The following TMEM132D variants were observed in gnomAD, a reference collection of about 807,000 sequenced individuals.
The protein encoded by TMEM132D is transmembrane protein 132D, also known as mature OL transmembrane protein.
TMEM132D carries 21 observed loss-of-function variants against 62.3 expected under a neutral mutation model. The observed-to-expected ratio is 0.34, with a 90% CI of 0.24 to 0.49. TMEM132D has a LOEUF of 0.49. Ranked by LOEUF, TMEM132D falls within the 20% of genes least tolerant of loss-of-function variation. The probability of loss-of-function intolerance (pLI) is 0.99; values close to 1 mark genes in which losing one functional copy is unlikely to be tolerated. For synonymous variants in TMEM132D, 621 were observed against 575.6 expected, an observed-to-expected ratio of 1.08 and a Z score of -1.13; for missense variants, 1,346 against 1,402.8, an observed-to-expected ratio of 0.96 and a Z score of 0.65.
At chr12:129,328,886 C>G (rs982707621) in intron 4 of TMEM132D, among the ~76,000 whole-genome samples, 3 of 151,888 alleles carry the variant, frequency 2.0e-5, no homozygotes, top group Non-Finnish European at 4.4e-5. Context: ...TCTTCCAACT[C>G]TGTGTGGCCT....
At chr12:129,873,911 A>C (rs539256288) in intron 1 of TMEM132D, among the ~76,000 whole-genome samples, 1 of 152,306 alleles carries the variant, frequency 6.6e-6, no homozygotes, top group African/African-American at 2.4e-5. Flanking sequence ...ACTTTTAAAA[A>C]ATCCTTCCAC....
Position 129,107,853 on chromosome 12 carries a change from AT to A in TMEM132D, c.1444-23152del, listed in dbSNP as rs1233632062. 8.4e-3 allele frequency among the ~76,000 whole-genome samples: 665 copies of A among 79,112 alleles called. 2 individuals carry two copies. Among genetic ancestry groups the A allele is most frequent in the Middle Eastern group, 0.066 (13 of 196 alleles). The allele number at this position is 79,112 out of a possible 152,430, so 51.9% of individuals were successfully genotyped here. ...AGGTGTGCACCACCACACCTGGCTA[AT>A]TTTTTTTTTTTTTTTATTTGTAGAG... On this transcript the variant is annotated intron_variant, in intron 5 of 8. Transcript: ENST00000422113.
At chr12:129,464,593 T>A (rs76259074) in intron 3 of TMEM132D, among the ~76,000 whole-genome samples, 2 of 152,230 alleles carry the variant, frequency 1.3e-5, no homozygotes, top group African/African-American at 4.8e-5. Context: ...TCTAGGGTTT[T>A]TATGGTTTTA....
At chr12:129,141,250 C>A (rs1390191337) in intron 5 of TMEM132D, among the ~76,000 whole-genome samples, 2 of 152,176 alleles carry the variant, frequency 1.3e-5, no homozygotes, top group Admixed American at 1.3e-4. Flanking sequence ...ATTATTCATT[C>A]ATCCAAGAGA....
chr12:129,554,313 C>G lies in TMEM132D; in HGVS notation c.969-23108G>C, dbSNP rs4759966. ...TTGTTTCTCCCAGTAATTTGAACCACAAGGCACTAAGTAACGATGCCAGGT... is the reference window on the plus strand; with the variant it reads ...TTGTTTCTCCCAGTAATTTGAACCAGAAGGCACTAAGTAACGATGCCAGGT... On this transcript the variant is annotated intron_variant, in intron 2 of 8. Transcript: ENST00000422113. Among the ~76,000 whole-genome samples, 763 of 152,178 alleles carry G rather than the reference C, an allele frequency of 5.0e-3. 2 individuals are homozygous for G. The highest frequency in any genetic ancestry group is 7.1e-3 in the Non-Finnish European group (482 of 68,024).
intron 3 of TMEM132D, among the ~76,000 whole-genome samples, chr12:129,485,464 G>A (rs1488056753): frequency 6.6e-6 from 1 of 152,184 alleles, no homozygotes; most frequent in Non-Finnish European, 1.5e-5. Context: ...GAGGCTACGG[G>A]TCAGGCACCA....
In TMEM132D at chr12:129,582,827, G is replaced by A. The variant is rs147480609; in HGVS notation, c.969-51622C>T. ...TTCAGTAGAAACAGGGTTTCACCAT[G>A]TTGGCCAGGCTGGTCTTGAATTCCT... On this transcript the variant is annotated intron_variant, in intron 2 of 8. Transcript: ENST00000422113. 4.9e-3 allele frequency among the ~76,000 whole-genome samples: 745 copies of A among 152,276 alleles called. 4 individuals are homozygous for A. Among genetic ancestry groups the A allele is most frequent in the African/African-American group, 0.016 (668 of 41,564 alleles).
chr12:129,219,620 G>A (rs887669493), intron 4 of TMEM132D, among the ~76,000 whole-genome samples: 1 of 152,194 alleles, frequency 6.6e-6, no homozygotes, highest in Non-Finnish European at 1.5e-5. Flanking sequence ...TGAAAAGGGG[G>A]CACACCTGGG....
chr12:129,872,331 A>T (rs992781034), intron 1 of TMEM132D, among the ~76,000 whole-genome samples: 2 of 152,164 alleles, frequency 1.3e-5, no homozygotes, highest in African/African-American at 4.8e-5. Context: ...GGGGAGGACA[A>T]ATAGGAGACA....
chr12:129,194,812 CTA>C (rs1348591279), intron 5 of TMEM132D, among the ~76,000 whole-genome samples: 2 of 152,078 alleles, frequency 1.3e-5, no homozygotes, highest in Non-Finnish European at 2.9e-5. Flanking sequence ...AGAGTTGTTT[CTA>C]TGTTTTTTTC....
chr12:129,656,805 T>C (rs1261448646), intron 2 of TMEM132D, among the ~76,000 whole-genome samples: 1 of 152,196 alleles, frequency 6.6e-6, no homozygotes, highest in Non-Finnish European at 1.5e-5. Flanking sequence ...AGATAGGCAC[T>C]ATTATTTTAC....
At chr12:129,317,098 G>C (rs1326573525) in intron 4 of TMEM132D, among the ~76,000 whole-genome samples, 3 of 152,122 alleles carry the variant, frequency 2.0e-5, no homozygotes, top group Admixed American at 1.3e-4. Flanking sequence ...GTGGTTTTTA[G>C]TGGAGCATTT....
At chr12:129,576,733 G>A (rs900665524) in intron 2 of TMEM132D, among the ~76,000 whole-genome samples, 1 of 151,686 alleles carries the variant, frequency 6.6e-6, no homozygotes, top group African/African-American at 2.4e-5. Flanking sequence ...ATTACTAATA[G>A]CCTACTGTTG....
intron 3 of TMEM132D, among the ~76,000 whole-genome samples, chr12:129,468,500 A>C: frequency 6.6e-6 from 1 of 152,222 alleles, no homozygotes; most frequent in East Asian, 1.9e-4. Flanking sequence ...AACACACACA[A>C]GTTGCCTACA....
intron 3 of TMEM132D, among the ~76,000 whole-genome samples, chr12:129,500,410 G>A (rs1875103416): frequency 1.3e-5 from 2 of 151,676 alleles, no homozygotes; most frequent in South Asian, 2.1e-4. Context: ...CTGGCTTGAG[G>A]CGCCTCTAGC....
intron 5 of TMEM132D, among the ~76,000 whole-genome samples, chr12:129,105,236 C>A (rs1451226904): frequency 7.0e-6 from 1 of 142,680 alleles, no homozygotes; most frequent in African/African-American, 2.7e-5. Flanking sequence ...AGTTCATGTC[C>A]TTTGTAGGGA....
At chr12:129,799,946 C>A (rs991767577) in intron 1 of TMEM132D, among the ~76,000 whole-genome samples, 1 of 152,152 alleles carries the variant, frequency 6.6e-6, no homozygotes, top group Admixed American at 6.5e-5. Flanking sequence ...CTCATCCCAT[C>A]CTGAGATGGT....
intron 3 of TMEM132D, among the ~76,000 whole-genome samples, chr12:129,453,360 C>G (rs1197027201): frequency 2.6e-5 from 4 of 152,190 alleles, no homozygotes; most frequent in African/African-American, 9.6e-5. Context: ...CTGGAATTCC[C>G]TCCCGCAGGG....
At chr12:129,148,943 AG>A (rs1876994239) in intron 5 of TMEM132D, among the ~76,000 whole-genome samples, 1 of 152,220 alleles carries the variant, frequency 6.6e-6, no homozygotes, top group African/African-American at 2.4e-5. Context: ...TCTTGTAGGA[AG>A]GGAGGTGTTC....
Sources: gnomAD v4.1 joint callset for allele counts (sites outside exome capture counted in the v4.1 genomes callset) on GRCh38, gnomAD v4.1.1 for gene constraint, MANE v1.5 for transcripts, NCBI Gene and HGNC (gene_info 2026-07-23, HGNC 2026-07-21) for gene names.